Variants in CTCFL observed in about 807,000 individuals in gnomAD.
CTCFL encodes the protein CCCTC-binding factor like, also known as transcriptional repressor CTCFL.
A neutral mutation model predicts 67.4 loss-of-function variants in CTCFL; 36 were observed. That is an observed-to-expected ratio of 0.53 (90% CI 0.41 to 0.71). The LOEUF (loss-of-function observed/expected upper bound fraction) is 0.71. Among genes scored for constraint, CTCFL ranks in the 30% least tolerant of loss-of-function variants. The pLI, the probability that CTCFL is intolerant of heterozygous loss-of-function variation, is 0.00. For missense variants in CTCFL, 786 were observed against 835.2 expected, an observed-to-expected ratio of 0.94 and a Z score of 0.73; for synonymous variants, 324 against 302.3, an observed-to-expected ratio of 1.07 and a Z score of -0.75.
At position 57,513,864 on chromosome 20, in the gene CTCFL, C is replaced by T. The variant is rs1440255051; in HGVS notation, c.1330+728G>A. 4 of 1,288,856 alleles carry T rather than the reference C, an allele frequency of 3.1e-6. 1 individual carries two copies. The South Asian group carries it at 4.9e-5, about 16-fold the overall frequency. The allele number at this position is 1,288,856 out of a possible 1,614,324, so 79.8% of individuals were successfully genotyped here. Reference sequence around the variant, plus strand: ...AAATAAGATCATGGAAAAGGGAGGCCCAGGAATCCTGAAACAAAGAAGAGG... The same window carrying T: ...AAATAAGATCATGGAAAAGGGAGGCTCAGGAATCCTGAAACAAAGAAGAGG... On this transcript the variant is annotated intron_variant, in intron 7 of 10. Transcript: ENST00000243914.
At chr20:57,509,823 T>G (rs1170266811) in intron 8 of CTCFL, among the ~76,000 whole-genome samples, 1 of 152,164 alleles carries the variant, frequency 6.6e-6, no homozygotes, top group Non-Finnish European at 1.5e-5. Flanking sequence ...GGACAGCATC[T>G]CTGGCGCTCC....
At position 57,514,719 on chromosome 20, in the gene CTCFL, G is replaced by A; in HGVS notation, c.1203C>T (p.His401=). Residue 401 remains histidine (H), a synonymous_variant, in exon 7 of 11, where the codon CAC becomes CAT. Coordinates refer to ENST00000243914, the MANE Select transcript of CTCFL (RefSeq NM_001386993.1). ...THSGEKPYEC[H]ICHTRFTQSG... ...TCTGGGTGAAGCGGGTGTGGCAGAT[G>A]TGGCATTCGTAAGGCTTCTCACCTG... The A allele has an allele frequency of 1.2e-6, 2 of 1,614,172 alleles. No homozygotes were observed. The highest frequency in any genetic ancestry group is 8.5e-7 in the Non-Finnish European group (1 of 1,180,026).
intron 1 of CTCFL, 106 bp from the exon 2 acceptor site, chr20:57,524,322 G>C: frequency 2.6e-6 from 4 of 1,510,040 alleles, no homozygotes; most frequent in Non-Finnish European, 3.5e-6. Context: ...TTGAAACAAG[G>C]TCTGGCCTCA....
At chr20:57,501,091 T>G (rs1163573067) in intron 10 of CTCFL, among the ~76,000 whole-genome samples, 1 of 152,200 alleles carries the variant, frequency 6.6e-6, no homozygotes, top group Non-Finnish European at 1.5e-5. Flanking sequence ...TAAAGGACTG[T>G]GCTTACTATT....
rs538512385 is a variant in CTCFL at position 57,499,099 on chromosome 20, G to A, written c.1841-398C>T. On this transcript the variant is annotated intron_variant, in intron 10 of 10. Transcript: ENST00000243914. ...GGGGGGGGGGTGGGGGGGGGACACAGTCATTCCCAGCTGGCATCAGCTGCT... is the reference window on the plus strand; with the variant it reads ...GGGGGGGGGGTGGGGGGGGGACACAATCATTCCCAGCTGGCATCAGCTGCT... Among the ~76,000 whole-genome samples, 123 of 143,694 alleles carry A rather than the reference G, an allele frequency of 8.6e-4. 1 individual carries two copies. In the Middle Eastern group the frequency reaches 0.019, roughly 22 times the overall value. 94.3% of individuals were successfully genotyped at this position (143,694 alleles called of 152,430 possible). A position where few individuals can be genotyped will look rare whatever the true frequency, so the allele number is the denominator to read the frequency against.
chr20:57,519,117 G>C (rs757085018), intron 4 of CTCFL, 90 bp downstream of exon 4: 1 of 1,360,890 alleles, frequency 7.3e-7, no homozygotes, highest in Admixed American at 2.2e-5. Context: ...AATGTTACAC[G>C]ATTCTACTGT....
Position 57,524,281 on chromosome 20 carries a change from G to C in CTCFL, c.-11-65C>G, listed in dbSNP as rs941019752. 21 of 1,532,404 alleles carry C rather than the reference G, an allele frequency of 1.4e-5. No individual in the cohort carries two copies. The Admixed American group carries it at 4.2e-4, about 30-fold the overall frequency. 94.9% of individuals were successfully genotyped at this position (1,532,404 alleles called of 1,614,324 possible). ...AAGGGGGTGGTATGAGGAGGGATGCGGGGGGTGCTGGAACCTAGCAGGCTT... is the reference window on the plus strand; with the variant it reads ...AAGGGGGTGGTATGAGGAGGGATGCCGGGGGTGCTGGAACCTAGCAGGCTT... On this transcript the variant is annotated intron_variant, in intron 1 of 10. Transcript: ENST00000243914.
In CTCFL at chr20:57,523,715, C is replaced by T. The variant is rs760344881; in HGVS notation, c.491G>A (p.Ser164Asn). The T allele has an allele frequency of 1.2e-6, 2 of 1,613,408 alleles. No individual in the cohort carries two copies. Among genetic ancestry groups the T allele is most frequent in the Non-Finnish European group, 1.7e-6 (2 of 1,180,032 alleles). The change falls in exon 2 of 11, where the codon AGT (serine) becomes AAT (asparagine). Residue 164 changes from serine to asparagine, a missense_variant. Coordinates refer to ENST00000243914, the MANE Select transcript of CTCFL (RefSeq NM_001386993.1). Reference sequence around the variant, plus strand: ...GCTCACCGCTAACTTACTGTCTTCACTGGCCACCATCACATTCTCCTCTAG... The same window carrying T: ...GCTCACCGCTAACTTACTGTCTTCATTGGCCACCATCACATTCTCCTCTAG... The part of the protein sequence containing the change: ...HALEENVMVA[S>N]EDSKLAVSLA...
rs541913014 is a variant in CTCFL at position 57,515,949 on chromosome 20, C to G, written c.1060-115G>C. ...TAATCATATTTTAACATCAGAGCACCAGAGCATATTTCACTCACTGAAAAA... is the reference window on the plus strand; with the variant it reads ...TAATCATATTTTAACATCAGAGCACGAGAGCATATTTCACTCACTGAAAAA... On this transcript the variant is annotated intron_variant, in intron 5 of 10. Coordinates refer to ENST00000243914, the MANE Select transcript of CTCFL (RefSeq NM_001386993.1). The G allele has an allele frequency of 2.9e-4, 347 of 1,193,598 alleles. No homozygotes were observed. The African/African-American group carries it at 4.3e-3, about 15-fold the overall frequency. 73.9% of individuals were successfully genotyped at this position (1,193,598 alleles called of 1,614,324 possible).
At chr20:57,513,611 C>T in intron 7 of CTCFL, 1 of 1,135,050 alleles carries the variant, frequency 8.8e-7, no homozygotes, top group Non-Finnish European at 1.1e-6. Flanking sequence ...TGTGCCCCAC[C>T]AAGCCCCACT....
intron 5 of CTCFL, among the ~76,000 whole-genome samples, chr20:57,516,481 G>C (rs2068934464): frequency 1.3e-5 from 2 of 152,100 alleles, no homozygotes; most frequent in Non-Finnish European, 1.5e-5. Flanking sequence ...AGGCCGCAAA[G>C]AGCCAAGATC....
At chr20:57,507,020 A>G (rs1285541273) in intron 9 of CTCFL, 1 of 985,484 alleles carries the variant, frequency 1.0e-6, no homozygotes, top group African/African-American at 1.7e-5. Flanking sequence ...ACTTTTATAA[A>G]ACTTTTATAA....
At chr20:57,513,224 T>C in intron 7 of CTCFL, 13 of 981,510 alleles carry the variant, frequency 1.3e-5, no homozygotes, top group Non-Finnish European at 1.6e-5. Flanking sequence ...AGATATAATA[T>C]CTTTATTTTA....
At position 57,524,104 on chromosome 20, in the gene CTCFL, T is replaced by G; in HGVS notation, c.102A>C (p.Gly34=). The change falls in exon 2 of 11, where the codon GGA becomes GGC. Residue 34 remains glycine, a synonymous_variant. Transcript: ENST00000243914. The part of the protein sequence containing the change: ...EKGLKEEEKD[G]VCREKDHRSP... The stretch of plus-strand genomic sequence containing the variant: ...TCCGATGGTCTTTCTCTCTGCACAC[T>G]CCGTCTTTTTCCTCCTCCTTCAGGC... The G allele has an allele frequency of 6.2e-7, 1 of 1,613,774 alleles. No homozygotes were observed.
At position 57,523,111 on chromosome 20, in the gene CTCFL, A is replaced by G. The variant is rs758330787; in HGVS notation, c.711T>C (p.Asp237=). 1.9e-6 allele frequency: 3 copies of G among 1,613,826 alleles called. No homozygotes were observed. Among genetic ancestry groups the G allele is most frequent in the Non-Finnish European group, 2.5e-6 (3 of 1,179,990 alleles). The part of the protein sequence containing the change: ...QEDQPTAGQA[D]AEKAKSTKNQ... ...TTTTTGTAGATTTGGCCTTTTCAGCATCTGCTTGACCAGCTGTAGGTTGAT... is the reference window on the plus strand; with the variant it reads ...TTTTTGTAGATTTGGCCTTTTCAGCGTCTGCTTGACCAGCTGTAGGTTGAT... The change falls in exon 3 of 11, where the codon GAT becomes GAC. Residue 237 remains aspartate, a synonymous_variant. Coordinates refer to ENST00000243914, the MANE Select transcript of CTCFL (RefSeq NM_001386993.1).
chr20:57,505,508 G>A (rs1482060459), intron 9 of CTCFL, among the ~76,000 whole-genome samples: 12 of 151,918 alleles, frequency 7.9e-5, no homozygotes, highest in East Asian at 3.9e-4. Context: ...CGCCCGCCTC[G>A]GCCTCCCAAA....
intron 3 of CTCFL, among the ~76,000 whole-genome samples, chr20:57,520,390 C>T (rs1040125533): frequency 1.3e-5 from 2 of 152,142 alleles, no homozygotes; most frequent in Non-Finnish European, 2.9e-5. Context: ...TCATCAAATA[C>T]AGAATATAGC....
downstream of CTCFL, chr20:57,496,268 A>C: frequency 1.5e-6 from 1 of 689,014 alleles, no homozygotes; most frequent in South Asian, 1.5e-5. Context: ...TGACGCGCCT[A>C]CTCCCTCTTC....
chr20:57,496,053 C>T (rs1201949798), downstream of CTCFL: 2 of 396,434 alleles, frequency 5.0e-6, no homozygotes, highest in African/African-American at 2.1e-5. Flanking sequence ...GATATTTGTC[C>T]CTGGCCAAAG....
Sources: gnomAD v4.1 joint callset for allele counts (sites outside exome capture counted in the v4.1 genomes callset) on GRCh38, gnomAD v4.1.1 for gene constraint, MANE v1.5 for transcripts, NCBI Gene and HGNC (gene_info 2026-07-23, HGNC 2026-07-21) for gene names.